The following USP34 variants were observed in gnomAD, a reference collection of about 807,000 sequenced individuals.
USP34 encodes the protein ubiquitin carboxyl-terminal hydrolase 34.
In USP34, 70 loss-of-function variants were observed where a neutral mutation model predicts 460.3. That is an observed-to-expected ratio of 0.15 (90% CI 0.13 to 0.19). The LOEUF (loss-of-function observed/expected upper bound fraction) is 0.19, where lower values mean the gene tolerates loss of function less well. Ranked by LOEUF, USP34 falls within the 10% of genes least tolerant of loss-of-function variation. USP34 has a pLI of 1.00. For synonymous variants in USP34, 1,647 were observed against 1,405.3 expected (o/e 1.17, Z -3.85); for missense variants, 3,985 against 4,236.2 (o/e 0.94, Z 1.65).
chr2:61,239,300 T>TCTCACACACACACACA (rs1213558114), intron 53 of USP34, among the ~76,000 whole-genome samples: 18 of 132,852 alleles, frequency 1.4e-4, no homozygotes, highest in African/African-American at 4.6e-4. Flanking sequence ...GAGGGCCCTG[T>TCTCACACACACACACA]CACACACACA....
chr2:61,330,520 C>T (rs1283510379), intron 20 of USP34, among the ~76,000 whole-genome samples: 1 of 152,176 alleles, frequency 6.6e-6, no homozygotes, highest in Non-Finnish European at 1.5e-5. Context: ...AACACTTCTA[C>T]AGTCTGCTTA....
chr2:61,214,775 T>C, intron 67 of USP34, 81 bp from the exon 68 acceptor site: 2 of 1,448,208 alleles, frequency 1.4e-6, no homozygotes, highest in East Asian at 2.3e-5. Context: ...ACAAAGCCAC[T>C]GTTCCCTTTA....
chr2:61,328,352 A>C (rs1691161435), intron 20 of USP34, among the ~76,000 whole-genome samples: 1 of 152,066 alleles, frequency 6.6e-6, no homozygotes, highest in South Asian at 2.1e-4. Context: ...AAAAAACAAA[A>C]ATTACAAAAT....
chr2:61,245,693 A>G (rs966310478), intron 50 of USP34, among the ~76,000 whole-genome samples: 3 of 152,176 alleles, frequency 2.0e-5, no homozygotes, highest in African/African-American at 7.2e-5. Context: ...AAAAGGCACC[A>G]TGGACCTGAT....
chr2:61,302,523 C>T (rs1319431453), intron 27 of USP34, among the ~76,000 whole-genome samples: 1 of 152,160 alleles, frequency 6.6e-6, no homozygotes, highest in African/African-American at 2.4e-5. Flanking sequence ...AATCTTGGCC[C>T]TCAAAATGGT....
intron 5 of USP34, among the ~76,000 whole-genome samples, chr2:61,384,667 T>C (rs905339150): frequency 2.0e-5 from 3 of 152,170 alleles, no homozygotes; most frequent in East Asian, 3.9e-4. Context: ...AGCAAGACCA[T>C]GTCTCAAAAC....
chr2:61,317,259 G>A (rs774614307), intron 23 of USP34, among the ~76,000 whole-genome samples: 2 of 152,182 alleles, frequency 1.3e-5, no homozygotes, highest in Non-Finnish European at 2.9e-5. Flanking sequence ...GAGCACGTTG[G>A]CTCATGCCTG....
At chr2:61,465,262 G>A (rs560553685) in intron 1 of USP34, among the ~76,000 whole-genome samples, 238 of 152,132 alleles carry the variant, frequency 1.6e-3, no homozygotes, top group African/African-American at 5.5e-3. Context: ...AAACTTCAAC[G>A]GGTCCTCAAC....
chr2:61,404,622 C>T (rs1315904036), intron 3 of USP34, among the ~76,000 whole-genome samples: 1 of 152,086 alleles, frequency 6.6e-6, no homozygotes, highest in Non-Finnish European at 1.5e-5. Context: ...TACAAGGAGC[C>T]CCAGATAACA....
chr2:61,454,858 GGTTTTTT>G (rs1157315367), intron 1 of USP34, among the ~76,000 whole-genome samples: 3 of 102,076 alleles, frequency 2.9e-5, no homozygotes, highest in Non-Finnish European at 6.0e-5. Context: ...AATATAGTGG[GGTTTTTT>G]TTTTCTTTTT....
Position 61,291,202 on chromosome 2 carries a change from T to C in USP34, c.4548+2262A>G, listed in dbSNP as rs138468609. ...TGGCCAATAAGCACATGGAAAGATG[T>C]TCAACCTCATTAGTCACCAAGGAAA... On this transcript the variant is annotated intron_variant, in intron 33 of 79. Transcript: ENST00000398571. Among the ~76,000 whole-genome samples, 5 of 152,198 alleles carry C rather than the reference T, an allele frequency of 3.3e-5. No individual in the cohort carries two copies. The East Asian group carries it at 9.7e-4, about 29-fold the overall frequency.
In USP34 at chr2:61,188,656, G is replaced by T. The variant is rs761275303; in HGVS notation, c.10087C>A (p.His3363Asn). The change falls in exon 80 of 80, where the codon CAC becomes AAC. Residue 3363 changes from histidine (H) to asparagine (N), a missense_variant. His to Asn is a moderately conservative substitution (Grantham distance 68). This residue lies in a region of USP34 where 506 missense variants were observed against 439.0 expected (regional missense o/e 1.15). Coordinates refer to ENST00000398571, the MANE Select transcript of USP34 (RefSeq NM_014709.4). ...KRRRVSSDEE[H>N]TVDSCISDMK... The stretch of plus-strand genomic sequence containing the variant: ...TCACTGATGCAGCTGTCTACAGTGT[G>T]CTCCTCATCACTGCTAACACGCCGC... 1 of 1,614,046 alleles carries T rather than the reference G, an allele frequency of 6.2e-7. No individual in the cohort carries two copies. Among genetic ancestry groups the T allele is most frequent in the Non-Finnish European group, 8.5e-7 (1 of 1,180,048 alleles).
At chr2:61,322,122 C>T (rs138712644) in intron 21 of USP34, among the ~76,000 whole-genome samples, 294 of 152,016 alleles carry the variant, frequency 1.9e-3, no homozygotes, top group African/African-American at 6.8e-3. Context: ...ACCAGCTACT[C>T]GGGAGGCTGA....
At chr2:61,205,331 C>A (rs186755537) in intron 72 of USP34, among the ~76,000 whole-genome samples, 1 of 152,256 alleles carries the variant, frequency 6.6e-6, no homozygotes, top group East Asian at 1.9e-4. Context: ...ATAAATCTCA[C>A]GATGACAGGC....
chr2:61,467,499 G>A (rs1477932369), intron 1 of USP34, among the ~76,000 whole-genome samples: 1 of 151,680 alleles, frequency 6.6e-6, no homozygotes, highest in Non-Finnish European at 1.5e-5. Flanking sequence ...AGCATGACCT[G>A]GAAACACACC....
rs754803680 is a variant in USP34, at chr2:61,278,210, A to G, written c.5388T>C (p.Ser1796=). The G allele has an allele frequency of 6.2e-7, 1 of 1,613,620 alleles. No homozygotes were observed. The highest frequency in any genetic ancestry group is 8.5e-7 in the Non-Finnish European group (1 of 1,179,784). The change falls in exon 41 of 80, where the codon AGT becomes AGC. Residue 1796 remains serine, a synonymous_variant. Transcript: ENST00000398571. ...TAAAGGGTGGTTTGTGTTTAACAAC[A>G]CTTGTTGCAAGCCTTAGGAGTCCTG... ...GLTGLLRLAT[S]VVKHKPPFKF...
chr2:61,275,739 T>C (rs1689354598), intron 41 of USP34, among the ~76,000 whole-genome samples: 1 of 152,168 alleles, frequency 6.6e-6, no homozygotes, highest in South Asian at 2.1e-4. Context: ...TATTGTATAA[T>C]GGTTAAAAGC....
intron 5 of USP34, among the ~76,000 whole-genome samples, chr2:61,384,541 C>T (rs1693078756): frequency 6.6e-6 from 1 of 151,972 alleles, no homozygotes; most frequent in Non-Finnish European, 1.5e-5. Context: ...GGCATGGTGT[C>T]ACATGTCTGC....
intron 10 of USP34, among the ~76,000 whole-genome samples, chr2:61,355,921 A>G (rs948552429): frequency 3.3e-5 from 5 of 152,338 alleles, no homozygotes; most frequent in African/African-American, 1.2e-4. Flanking sequence ...AAGATATTCC[A>G]CGCAAATAGC....
Sources: allele counts gnomAD v4.1 joint callset (sites outside exome capture counted in the v4.1 genomes callset), GRCh38; gene constraint gnomAD v4.1.1; regional missense constraint gnomAD v4.1.1; transcripts MANE v1.5; gene names NCBI Gene and HGNC (gene_info 2026-07-23, HGNC 2026-07-21).